Variants in BRINP2 observed in about 807,000 individuals in gnomAD.
BRINP2 encodes the protein BMP/retinoic acid inducible neural specific 2, also known as BMP/retinoic acid-inducible neural-specific protein 2.
BRINP2 carries 21 observed loss-of-function variants against 69.2 expected under a neutral mutation model. That is an observed-to-expected ratio of 0.30 (90% CI 0.22 to 0.44). The LOEUF (loss-of-function observed/expected upper bound fraction) is 0.44, where lower values mean the gene tolerates loss of function less well. BRINP2 is among the 20% of genes least tolerant of loss of function. The pLI, the probability that BRINP2 is intolerant of heterozygous loss-of-function variation, is 1.00. For synonymous variants in BRINP2, 380 were observed against 394.1 expected, an observed-to-expected ratio of 0.96 and a Z score of 0.42; for missense variants, 877 against 986.0, an observed-to-expected ratio of 0.89 and a Z score of 1.48.
chr1:177,242,079 C>T (rs960480328), intron 2 of BRINP2, among the ~76,000 whole-genome samples: 1 of 152,142 alleles, frequency 6.6e-6, no homozygotes, highest in African/African-American at 2.4e-5. Flanking sequence ...TATGAACAGC[C>T]GGTATGAACA....
In BRINP2 at chr1:177,267,735, T is replaced by TA. The variant is rs1031482131; in HGVS notation, c.670-5751dup. On this transcript the variant is annotated intron_variant, in intron 4 of 7. Transcript: ENST00000361539. ...ACTATGGCTTTCTGGACCTGCCTCT[T>TA]AAGCAGTCTGTGGGTGGTGGAGTTA... Among the ~76,000 whole-genome samples the TA allele has an allele frequency of 9.8e-5, 15 of 152,320 alleles. No individual in the cohort carries two copies. In the East Asian group the frequency reaches 2.9e-3, roughly 29 times the overall value.
rs118116629 is a variant in BRINP2, at chr1:177,220,484, G to A, written c.-76-9317G>A. 3.4e-4 allele frequency among the ~76,000 whole-genome samples: 51 copies of A among 152,164 alleles called. No homozygotes were observed. In the East Asian group the frequency reaches 6.6e-3, roughly 20 times the overall value. The stretch of plus-strand genomic sequence containing the variant: ...TGCTCCTGCTTTTGCCATGTGATGT[G>A]CCTGTACCCCCTTCACCTTCTGCCA... On this transcript the variant is annotated intron_variant, in intron 1 of 7. Coordinates refer to ENST00000361539, the MANE Select transcript of BRINP2 (RefSeq NM_021165.4).
At chr1:177,202,377 G>T (rs1304759966) in intron 1 of BRINP2, among the ~76,000 whole-genome samples, 1 of 152,134 alleles carries the variant, frequency 6.6e-6, no homozygotes, top group Admixed American at 6.6e-5. Context: ...CTTTGAATGT[G>T]TCCCAGAGAT....
At chr1:177,193,196 A>G (rs1003383094) in intron 1 of BRINP2, among the ~76,000 whole-genome samples, 3 of 152,190 alleles carry the variant, frequency 2.0e-5, no homozygotes, top group Admixed American at 6.5e-5. Context: ...ATTACAAACT[A>G]TTTATTTCAC....
At chr1:177,217,925 T>A (rs569879127) in intron 1 of BRINP2, among the ~76,000 whole-genome samples, 14 of 152,296 alleles carry the variant, frequency 9.2e-5, no homozygotes, top group African/African-American at 3.1e-4. Flanking sequence ...GTACTGCTAT[T>A]TGAGTTCAGG....
chr1:177,204,226 C>T (rs1411739290), intron 1 of BRINP2, among the ~76,000 whole-genome samples: 1 of 152,066 alleles, frequency 6.6e-6, no homozygotes, highest in Middle Eastern at 3.4e-3. Context: ...AATTTGAGGC[C>T]GTTTTGAGAC....
chr1:177,251,720 C>T (rs949253947), intron 2 of BRINP2, among the ~76,000 whole-genome samples: 22 of 152,256 alleles, frequency 1.4e-4, no homozygotes, highest in Middle Eastern at 3.4e-3. Flanking sequence ...CTAGAGGATA[C>T]TAGTTCCCAT....
At chr1:177,266,775 A>AAAAT (rs1175401520) in intron 4 of BRINP2, among the ~76,000 whole-genome samples, 1 of 151,672 alleles carries the variant, frequency 6.6e-6, no homozygotes, top group Non-Finnish European at 1.5e-5. Context: ...AAAAAAAAAA[A>AAAAT]AAAAAGAAAG....
chr1:177,233,980 C>T (rs1375593845), intron 2 of BRINP2, among the ~76,000 whole-genome samples: 2 of 152,204 alleles, frequency 1.3e-5, no homozygotes, highest in African/African-American at 4.8e-5. Flanking sequence ...TTTTGACAAT[C>T]TTGTAAATTG....
chr1:177,221,750 C>T (rs925970777), intron 1 of BRINP2, among the ~76,000 whole-genome samples: 2 of 152,168 alleles, frequency 1.3e-5, no homozygotes, highest in South Asian at 2.1e-4. Context: ...TCTCCAGGAT[C>T]CCATCCCTTC....
intron 1 of BRINP2, among the ~76,000 whole-genome samples, chr1:177,222,924 G>T: frequency 6.6e-6 from 1 of 152,150 alleles, no homozygotes; most frequent in Non-Finnish European, 1.5e-5. Context: ...GATGGAGGAG[G>T]ATGGAAATGG....
intron 7 of BRINP2, among the ~76,000 whole-genome samples, chr1:177,279,016 TC>T (rs1651606557): frequency 6.6e-6 from 1 of 152,234 alleles, no homozygotes; most frequent in Non-Finnish European, 1.5e-5. Context: ...TATAGTTGAT[TC>T]AAATGTTATT....
At chr1:177,230,784 T>C (rs182847680) in intron 2 of BRINP2, among the ~76,000 whole-genome samples, 102 of 152,316 alleles carry the variant, frequency 6.7e-4, no homozygotes, top group African/African-American at 2.2e-3. Context: ...TCCTGGCTGC[T>C]GGACCTGCAC....
rs1651700195 is a variant in BRINP2 at position 177,281,481 on chromosome 1, A to G, written c.2305A>G (p.Lys769Glu). 1.2e-6 allele frequency: 2 copies of G among 1,612,404 alleles called. No homozygotes were observed. Among genetic ancestry groups the G allele is most frequent in the Non-Finnish European group, 1.7e-6 (2 of 1,179,908 alleles). ...IQSSLRAFNS[K>E]LPNPVEYETG... is the part of the protein sequence containing the mutation. ...GTCCTCCCTGAGGGCTTTCAATTCT[A>G]AGCTGCCAAACCCTGTGGAATATGA... Residue 769 changes from lysine to glutamate, a missense_variant, in exon 8 of 8, where the codon AAG (lysine) becomes GAG (glutamate). Physicochemically the swap from Lys to Glu is moderately conservative, Grantham distance 56 (BLOSUM62 1). Transcript: ENST00000361539.
At position 177,254,406 on chromosome 1, in the gene BRINP2, ACACT is replaced by A. The variant is rs1242277142; in HGVS notation, c.270-1512_270-1509del. On this transcript the variant is annotated intron_variant, in intron 2 of 7. Transcript: ENST00000361539. ...CACACACACACACACACACACACAC[ACACT>A]ATCTTCACTTAAGAATGTCCTTAAA... 5.3e-5 allele frequency among the ~76,000 whole-genome samples: 8 copies of A among 149,576 alleles called. No homozygotes were observed. In the South Asian group the frequency reaches 1.3e-3, roughly 24 times the overall value.
At chr1:177,183,288 GT>G (rs1199802403) in intron 1 of BRINP2, among the ~76,000 whole-genome samples, 2 of 150,882 alleles carry the variant, frequency 1.3e-5, no homozygotes, top group Non-Finnish European at 3.0e-5. Context: ...AAACTGGTTT[GT>G]TTTTGTGATA....
Position 177,280,742 on chromosome 1 carries a change from T to C in BRINP2, c.1566T>C (p.Asp522=). The change falls in exon 8 of 8, where the codon GAT becomes GAC. Residue 522 remains aspartate, a synonymous_variant. Transcript: ENST00000361539. The stretch of plus-strand genomic sequence containing the variant: ...TAAAGTACCTGCTGCAGAAGCAGGA[T>C]AGCCGCATTGAGGTACACTCCATCT... The part of the protein sequence containing the change: ...LELKYLLQKQ[D]SRIEVHSIFI... 6.2e-7 allele frequency: 1 copy of C among 1,614,232 alleles called. No individual in the cohort carries two copies. The highest frequency in any genetic ancestry group is 1.1e-5 in the South Asian group (1 of 91,088).
intron 2 of BRINP2, among the ~76,000 whole-genome samples, chr1:177,241,462 A>C (rs1650202656): frequency 1.3e-5 from 2 of 151,586 alleles, no homozygotes. Context: ...CAATTCCTAG[A>C]CTCGTTAGCG....
chr1:177,224,015 T>C (rs945496098), intron 1 of BRINP2, among the ~76,000 whole-genome samples: 11 of 152,110 alleles, frequency 7.2e-5, no homozygotes, highest in Non-Finnish European at 1.6e-4. Context: ...TGACAGCTTA[T>C]TGCAACAAGA....
Sources: gnomAD v4.1 joint callset for allele counts (sites outside exome capture counted in the v4.1 genomes callset) on GRCh38, gnomAD v4.1.1 for gene constraint, MANE v1.5 for transcripts, NCBI Gene and HGNC (gene_info 2026-07-23, HGNC 2026-07-21) for gene names.